Variants in FNIP2 observed in about 807,000 individuals in gnomAD.
The protein encoded by FNIP2 is folliculin-interacting protein 2.
Under a neutral mutation model 108.7 loss-of-function variants are expected in FNIP2, and 32 were observed. That is an observed-to-expected ratio of 0.29 (90% CI 0.22 to 0.40). FNIP2 has a LOEUF of 0.40. Ranked by LOEUF, FNIP2 falls within the 10% of genes least tolerant of loss-of-function variation. The probability of loss-of-function intolerance (pLI) is 1.00; values close to 1 mark genes in which losing one functional copy is unlikely to be tolerated. For missense variants in FNIP2, 1,202 were observed against 1,381.6 expected (o/e 0.87, Z 2.06); for synonymous variants, 480 against 496.7 (o/e 0.97, Z 0.45).
intron 7 of FNIP2, among the ~76,000 whole-genome samples, chr4:158,845,563 A>G (rs1282973396): frequency 6.6e-6 from 1 of 152,192 alleles, no homozygotes; most frequent in African/African-American, 2.4e-5. Flanking sequence ...ACCTTCATGA[A>G]GCTTTCTTTT....
chr4:158,833,834 AGG>A (rs1208570569), intron 6 of FNIP2: 7 of 1,504,220 alleles, frequency 4.7e-6, no homozygotes, highest in Non-Finnish European at 6.2e-6. Context: ...AAACTGCTGC[AGG>A]GGGTAGCTGA....
intron 1 of FNIP2, among the ~76,000 whole-genome samples, chr4:158,814,412 TAA>T (rs1476880071): frequency 6.6e-6 from 1 of 152,208 alleles, no homozygotes; most frequent in African/African-American, 2.4e-5. Context: ...TTGAATTCTG[TAA>T]AAGTGTTTGG....
At chr4:158,813,040 C>T (rs1055955055) in intron 1 of FNIP2, among the ~76,000 whole-genome samples, 2 of 152,036 alleles carry the variant, frequency 1.3e-5, no homozygotes, top group African/African-American at 2.4e-5. Context: ...CATTCAAGGT[C>T]CCTTCATGTC....
At chr4:158,844,390 C>CT (rs1428621985) in intron 7 of FNIP2, among the ~76,000 whole-genome samples, 1 of 152,138 alleles carries the variant, frequency 6.6e-6, no homozygotes, top group African/African-American at 2.4e-5. Context: ...GATGTCCTCC[C>CT]TTTGAGCCTT....
In FNIP2 at chr4:158,904,687, CT is replaced by C; in HGVS notation, c.*144del. The C allele has an allele frequency of 1.4e-6, 1 of 704,054 alleles. No individual in the cohort carries two copies. Among genetic ancestry groups the C allele is most frequent in the Non-Finnish European group, 2.4e-6 (1 of 420,578 alleles). The allele number at this position is 704,054 out of a possible 1,614,324, so 43.6% of individuals were successfully genotyped here. ...TCCACCTTTTTGTTTTGTGTTTTTG[CT>C]GTCAAGCTGATGCTTCATTGAAGAC... is the stretch of plus-strand genomic sequence containing the variant. On this transcript the variant is annotated 3_prime_UTR_variant, in exon 17 of 17. Coordinates refer to ENST00000264433, the MANE Select transcript of FNIP2 (RefSeq NM_020840.3).
chr4:158,784,368 C>G (rs1168553934), intron 1 of FNIP2, among the ~76,000 whole-genome samples: 1 of 152,206 alleles, frequency 6.6e-6, no homozygotes, highest in African/African-American at 2.4e-5. Flanking sequence ...CCAGTGGTCC[C>G]CAACCTTTTT....
intron 14 of FNIP2, among the ~76,000 whole-genome samples, chr4:158,878,616 G>T (rs1014010195): frequency 1.3e-5 from 2 of 152,036 alleles, no homozygotes; most frequent in African/African-American, 4.8e-5. Flanking sequence ...CTTATGAGAC[G>T]CATATAGGAA....
intron 1 of FNIP2, among the ~76,000 whole-genome samples, chr4:158,777,792 G>A (rs1054969738): frequency 6.6e-6 from 1 of 152,162 alleles, no homozygotes; most frequent in Non-Finnish European, 1.5e-5. Flanking sequence ...GTGTACCTGA[G>A]AAATTGCTTA....
At chr4:158,853,016 GA>G (rs984990709) in intron 8 of FNIP2, among the ~76,000 whole-genome samples, 1 of 151,834 alleles carries the variant, frequency 6.6e-6, no homozygotes, top group African/African-American at 2.4e-5. Context: ...GGACTAAAAA[GA>G]AAAAAAGTTT....
chr4:158,881,528 C>T (rs2126744680), intron 14 of FNIP2, among the ~76,000 whole-genome samples: 1 of 152,290 alleles, frequency 6.6e-6, no homozygotes, highest in South Asian at 2.1e-4. Context: ...CTGCTGCCAT[C>T]TCCGCTCACT....
chr4:158,871,581 G>T, intron 14 of FNIP2: 3 of 985,318 alleles, frequency 3.0e-6, no homozygotes, highest in Non-Finnish European at 2.4e-6. Context: ...AATGGGGAGG[G>T]CTAAGAGATG....
At position 158,832,119 on chromosome 4, in the gene FNIP2, T is replaced by G. The variant is rs1778519457; in HGVS notation, c.535T>G (p.Phe179Val). ...AGTCTTCTCTGCTAGAATGGGCAGC[T>G]TCTGTGGAAGTACAAATAAGTAAGT... ...SKVFSARMGSFCGSTNNLQDS... is the reference protein window; with the variant it reads ...SKVFSARMGSVCGSTNNLQDS... Residue 179 changes from phenylalanine (F) to valine (V), a missense_variant, in exon 5 of 17, where the codon TTC becomes GTC. By Grantham distance (50) the Phe-to-Val change is conservative (BLOSUM62 -1). Transcript: ENST00000264433. 1.2e-6 allele frequency: 2 copies of G among 1,613,804 alleles called. No individual in the cohort carries two copies. Among genetic ancestry groups the G allele is most frequent in the Non-Finnish European group, 1.7e-6 (2 of 1,179,728 alleles).
chr4:158,874,790 A>G lies in FNIP2; in HGVS notation c.2949+4321A>G, dbSNP rs35670783. On this transcript the variant is annotated intron_variant, in intron 14 of 16. Coordinates refer to ENST00000264433, the MANE Select transcript of FNIP2 (RefSeq NM_020840.3). ...AATTACTGTCAGAGATAAGAAAGCT[A>G]TATATGGGCCAGGCACGGTGGCTCA... is the stretch of plus-strand genomic sequence containing the variant. 4.8e-3 allele frequency among the ~76,000 whole-genome samples: 729 copies of G among 152,180 alleles called. 3 individuals carry two copies. In the Middle Eastern group the frequency reaches 0.051, roughly 11 times the overall value.
intron 7 of FNIP2, among the ~76,000 whole-genome samples, chr4:158,840,480 C>T (rs182584762): frequency 1.1e-4 from 17 of 152,184 alleles, no homozygotes; most frequent in African/African-American, 4.1e-4. Context: ...ACTGCAACCT[C>T]CGTCTCCCAG....
chr4:158,880,705 G>A (rs1781542761), intron 14 of FNIP2, among the ~76,000 whole-genome samples: 1 of 152,110 alleles, frequency 6.6e-6, no homozygotes, highest in Non-Finnish European at 1.5e-5. Flanking sequence ...GGGTTTTTTG[G>A]TTTGTTTTTA....
intron 14 of FNIP2, among the ~76,000 whole-genome samples, chr4:158,880,468 C>T (rs2126740317): frequency 6.6e-6 from 1 of 152,198 alleles, no homozygotes; most frequent in East Asian, 1.9e-4. Flanking sequence ...GGAGGGATAG[C>T]ATTAGGAGAT....
chr4:158,799,350 G>T (rs903322759), intron 1 of FNIP2, among the ~76,000 whole-genome samples: 5 of 152,220 alleles, frequency 3.3e-5, no homozygotes, highest in African/African-American at 1.2e-4. Flanking sequence ...TTTCAGACAT[G>T]CTTCTCATGA....
chr4:158,863,359 A>G (rs1307324868), intron 12 of FNIP2, among the ~76,000 whole-genome samples: 1 of 152,258 alleles, frequency 6.6e-6, no homozygotes, highest in African/African-American at 2.4e-5. Context: ...ATACACAATG[A>G]TGGAGATAAA....
chr4:158,800,246 C>G (rs1274806173), intron 1 of FNIP2, among the ~76,000 whole-genome samples: 1 of 152,156 alleles, frequency 6.6e-6, no homozygotes, highest in Non-Finnish European at 1.5e-5. Context: ...TTAAAAATTC[C>G]TCTCATTGTT....
Sources: gnomAD v4.1 joint callset for allele counts (sites outside exome capture counted in the v4.1 genomes callset) on GRCh38, gnomAD v4.1.1 for gene constraint, MANE v1.5 for transcripts, NCBI Gene and HGNC (gene_info 2026-07-23, HGNC 2026-07-21) for gene names.